Variants in INSL6 observed in about 807,000 individuals in gnomAD.
INSL6 encodes insulin like 6.
INSL6 carries 16 observed loss-of-function variants against 9.4 expected under a neutral mutation model. The observed-to-expected ratio is 1.70, with a 90% CI of 1.15 to 2.59. The LOEUF is 2.59. Ranked by LOEUF, INSL6 falls within the 30% of genes most tolerant of loss-of-function variation. The probability of loss-of-function intolerance (pLI) is 0.00; values close to 1 mark genes in which losing one functional copy is unlikely to be tolerated. For synonymous variants in INSL6, 154 were observed against 96.9 expected (o/e 1.59, Z -3.46); for missense variants, 391 against 257.3 (o/e 1.52, Z -3.56).
the INSL6 span, chr9:5,114,452 C>T: frequency 6.3e-6 from 3 of 477,856 alleles, no homozygotes; most frequent in East Asian, 1.6e-4. Flanking sequence ...CCCACACCCA[C>T]CTGCAGTCCA....
the INSL6 span, chr9:5,069,209 G>A: frequency 6.3e-7 from 1 of 1,591,672 alleles, no homozygotes; most frequent in Non-Finnish European, 8.6e-7. Context: ...AAGCCAAAAG[G>A]TAAGATAATT....
the INSL6 span, among the ~76,000 whole-genome samples, chr9:5,075,576 T>C: frequency 2.6e-5 from 4 of 152,222 alleles, no homozygotes; most frequent in East Asian, 1.9e-4. Flanking sequence ...GCATGGTTTA[T>C]TGACTATTTT....
chr9:5,073,819 T>C, the INSL6 span: 1 of 1,312,604 alleles, frequency 7.6e-7, no homozygotes, highest in Non-Finnish European at 1.1e-6. Context: ...AATGCCTTTC[T>C]CAGAGCATCT....
chr9:5,140,480 G>C (rs747955635), intron 2 of INSL6, among the ~76,000 whole-genome samples: 2 of 151,936 alleles, frequency 1.3e-5, no homozygotes. Flanking sequence ...CCATAATTTT[G>C]TGTTGTGATT....
the INSL6 span, chr9:5,041,937 C>T: frequency 5.2e-6 from 2 of 387,718 alleles, no homozygotes; most frequent in Non-Finnish European, 9.9e-6. Context: ...GCTGCTGTTT[C>T]TTCCCCCTGA....
rs115917836 is a variant in INSL6, at chr9:5,147,423, G to A, written c.377-13831C>T. Among the ~76,000 whole-genome samples, 879 of 152,296 alleles carry A rather than the reference G, an allele frequency of 5.8e-3. 4 individuals are homozygous for A. The highest frequency in any genetic ancestry group is 0.02 in the African/African-American group (813 of 41,562). ...AGGAAGGTTCTGCTGCAGAGGCAAT[G>A]GCAGAGAACTTTCAGTTGCCCCTGG... On this transcript the variant is annotated intron_variant, in intron 2 of 3. Coordinates refer to the INSL6 transcript ENST00000649639.
chr9:5,155,543 A>G (rs1224975506), intron 2 of INSL6, among the ~76,000 whole-genome samples: 1 of 151,394 alleles, frequency 6.6e-6, no homozygotes, highest in East Asian at 2.0e-4. Flanking sequence ...AAAAAAAAAG[A>G]AAAAAGAAAA....
the INSL6 span, among the ~76,000 whole-genome samples, chr9:5,080,962 C>G: frequency 7.6e-6 from 1 of 131,816 alleles, no homozygotes; most frequent in African/African-American, 2.9e-5. Flanking sequence ...GTGGCGCGAT[C>G]TCGGCTCACT....
At chr9:5,090,487 G>A in the INSL6 span, 2 of 1,585,754 alleles carry the variant, frequency 1.3e-6, no homozygotes, top group Non-Finnish European at 1.7e-6. Context: ...TTTACCATAT[G>A]GAAGTTTACG....
the INSL6 span, among the ~76,000 whole-genome samples, chr9:5,035,738 A>G: frequency 6.6e-6 from 1 of 152,224 alleles, no homozygotes; most frequent in Non-Finnish European, 1.5e-5. Context: ...TCTCAAAATA[A>G]TAAGAGCTAT....
the INSL6 span, among the ~76,000 whole-genome samples, chr9:5,018,679 G>A: frequency 6.6e-6 from 1 of 152,122 alleles, no homozygotes; most frequent in East Asian, 1.9e-4. Context: ...ACTCCCTCAA[G>A]CATTTCTTGT....
chr9:5,173,749 A>C (rs1564054193), intron 1 of INSL6, among the ~76,000 whole-genome samples: 1 of 151,610 alleles, frequency 6.6e-6, no homozygotes, highest in African/African-American at 2.4e-5. Flanking sequence ...CATCTCGCTC[A>C]TGTACTGCTG....
intron 1 of INSL6, among the ~76,000 whole-genome samples, chr9:5,165,179 C>G (rs566656776): frequency 2.6e-5 from 4 of 152,242 alleles, no homozygotes; most frequent in Non-Finnish European, 5.9e-5. Flanking sequence ...CCACTGCACT[C>G]CGGTCTAGGT....
the INSL6 span, chr9:5,044,580 A>G: frequency 9.3e-7 from 1 of 1,071,238 alleles, no homozygotes; most frequent in Non-Finnish European, 1.4e-6. Flanking sequence ...GCTGTTTAAT[A>G]AGTCACTTAA....
the INSL6 span, among the ~76,000 whole-genome samples, chr9:5,042,236 C>CA: frequency 2.0e-5 from 3 of 149,752 alleles, no homozygotes; most frequent in Non-Finnish European, 4.4e-5. Flanking sequence ...CTCCCGGGTT[C>CA]CCGCCATTCT....
the INSL6 span, among the ~76,000 whole-genome samples, chr9:5,027,867 C>G: frequency 5.5e-3 from 842 of 152,280 alleles, 8 homozygotes; most frequent in African/African-American, 0.019. Context: ...TCTTCAAGCT[C>G]CACTTCTAAT....
chr9:5,175,849 C>T (rs1324520474), intron 1 of INSL6, among the ~76,000 whole-genome samples: 1 of 152,104 alleles, frequency 6.6e-6, no homozygotes, highest in East Asian at 1.9e-4. Context: ...AAGCTCAGGG[C>T]TCCCACTGAT....
chr9:5,183,818 T>C (rs970339427), intron 1 of INSL6, among the ~76,000 whole-genome samples: 6 of 151,578 alleles, frequency 4.0e-5, no homozygotes, highest in Admixed American at 2.6e-4. Context: ...ACCTTGTTAC[T>C]CAAAAGTGTG....
At chr9:5,124,120 G>T (rs564376126) in exon 4 of INSL6, among the ~76,000 whole-genome samples, 4 of 151,794 alleles carry the variant, frequency 2.6e-5, no homozygotes, top group Non-Finnish European at 5.9e-5. Context: ...TTCCTTGTCA[G>T]ATACAAAGTT....
Sources: gnomAD v4.1 joint callset for allele counts (sites outside exome capture counted in the v4.1 genomes callset) on GRCh38, gnomAD v4.1.1 for gene constraint, MANE v1.5 for transcripts, NCBI Gene and HGNC (gene_info 2026-07-23, HGNC 2026-07-21) for gene names.